Variants in HDAC9 observed in about 807,000 individuals in gnomAD.
The protein encoded by HDAC9 is histone deacetylase 9, also known as MEF-2 interacting transcription repressor (MITR) protein.
Under a neutral mutation model 139.4 loss-of-function variants are expected in HDAC9, and 41 were observed. The observed-to-expected ratio is 0.29, with a 90% CI of 0.23 to 0.38. HDAC9 has a LOEUF of 0.38. Ranked by LOEUF, HDAC9 falls within the 10% of genes least tolerant of loss-of-function variation. HDAC9 has a pLI of 1.00. For missense variants in HDAC9, 1,147 were observed against 1,297.0 expected (o/e 0.88, Z 1.78); for synonymous variants, 517 against 476.2 (o/e 1.09, Z -1.12).
At chr7:18,840,843 G>A (rs757119227) in intron 21 of HDAC9, among the ~76,000 whole-genome samples, 6 of 152,074 alleles carry the variant, frequency 3.9e-5, no homozygotes, top group Non-Finnish European at 2.9e-5. Context: ...CAGTCAAAGT[G>A]GCAATTCTGT....
chr7:18,968,739 CAGG>C (rs1203446336), intron 24 of HDAC9, among the ~76,000 whole-genome samples: 2 of 151,976 alleles, frequency 1.3e-5, no homozygotes, highest in Non-Finnish European at 2.9e-5. Flanking sequence ...GCGGGCGGAT[CAGG>C]AGGTCAGGAG....
At chr7:18,151,568 G>C (rs544135729) in intron 1 of HDAC9, among the ~76,000 whole-genome samples, 38 of 152,288 alleles carry the variant, frequency 2.5e-4, no homozygotes, top group Non-Finnish European at 4.4e-4. Flanking sequence ...TCTTCGAAGA[G>C]ATGATAGAAA....
chr7:18,498,486 G>C (rs1376786180), intron 2 of HDAC9, among the ~76,000 whole-genome samples: 2 of 152,052 alleles, frequency 1.3e-5, no homozygotes, highest in Non-Finnish European at 2.9e-5. Flanking sequence ...CTATCAGTAG[G>C]GTTTGTCCTT....
intron 1 of HDAC9, among the ~76,000 whole-genome samples, chr7:18,306,317 C>T (rs1798903976): frequency 6.6e-6 from 1 of 152,148 alleles, no homozygotes; most frequent in Admixed American, 6.5e-5. Context: ...AAAAATACAT[C>T]CAATCGTTAC....
At chr7:18,321,461 A>G (rs1408007510) in intron 1 of HDAC9, among the ~76,000 whole-genome samples, 5 of 152,236 alleles carry the variant, frequency 3.3e-5, no homozygotes, top group Admixed American at 6.5e-5. Context: ...AATAGGTGAT[A>G]TGCCTTTATG....
intron 1 of HDAC9, among the ~76,000 whole-genome samples, chr7:18,445,085 G>T (rs1304776398): frequency 6.6e-6 from 1 of 152,134 alleles, no homozygotes; most frequent in Non-Finnish European, 1.5e-5. Flanking sequence ...CTTATAGAAA[G>T]GCAGGAGTTT....
chr7:18,563,212 A>T (rs1207345312), intron 2 of HDAC9, among the ~76,000 whole-genome samples: 2 of 152,198 alleles, frequency 1.3e-5, no homozygotes, highest in Non-Finnish European at 2.9e-5. Flanking sequence ...ATGTGGCCGT[A>T]ATAGTGCTAT....
upstream of HDAC9, among the ~76,000 whole-genome samples, chr7:18,288,791 A>G (rs1797617503): frequency 1.3e-5 from 2 of 152,144 alleles, no homozygotes; most frequent in African/African-American, 2.4e-5. Context: ...AAGACATTAC[A>G]TAGAAATAAG....
chr7:18,472,969 T>C (rs1355117749), intron 1 of HDAC9, among the ~76,000 whole-genome samples: 1 of 152,190 alleles, frequency 6.6e-6, no homozygotes, highest in African/African-American at 2.4e-5. Flanking sequence ...CTAAATCACC[T>C]TTGATATACA....
chr7:18,827,094 A>G (rs1179824958), intron 17 of HDAC9, among the ~76,000 whole-genome samples: 1 of 149,366 alleles, frequency 6.7e-6, no homozygotes, highest in Non-Finnish European at 1.5e-5. Context: ...CTCAAAAAAA[A>G]ACTATATATA....
intron 1 of HDAC9, among the ~76,000 whole-genome samples, chr7:18,108,130 C>A (rs928032588): frequency 6.6e-6 from 1 of 152,114 alleles, no homozygotes; most frequent in Non-Finnish European, 1.5e-5. Flanking sequence ...GATATGATAT[C>A]CTAGAACCTG....
intron 13 of HDAC9, among the ~76,000 whole-genome samples, chr7:18,728,699 T>C (rs141735810): frequency 6.6e-6 from 1 of 152,314 alleles, no homozygotes; most frequent in East Asian, 1.9e-4. Flanking sequence ...GAGCTTGTTT[T>C]TGTGGCTTCT....
chr7:18,232,898 C>A (rs758607917), intron 2 of HDAC9, among the ~76,000 whole-genome samples: 5 of 152,192 alleles, frequency 3.3e-5, no homozygotes, highest in Admixed American at 6.5e-5. Flanking sequence ...AATCTGCTAT[C>A]CATGCAAACA....
At chr7:18,479,824 A>AG (rs1795401125) in intron 1 of HDAC9, among the ~76,000 whole-genome samples, 1 of 152,018 alleles carries the variant, frequency 6.6e-6, no homozygotes, top group Non-Finnish European at 1.5e-5. Context: ...AATATTATGT[A>AG]ATATGGTAAT....
intron 6 of HDAC9, among the ~76,000 whole-genome samples, chr7:18,600,679 C>T (rs1436722813): frequency 6.6e-6 from 1 of 152,180 alleles, no homozygotes; most frequent in African/African-American, 2.4e-5. Context: ...ATTACTGTAA[C>T]TTCATAGTAA....
rs554163033 is a variant in HDAC9, at chr7:18,221,882, T to C, written c.25+59533T>C. On this transcript the variant is annotated intron_variant, in intron 2 of 12. Transcript: ENST00000417496. The stretch of plus-strand genomic sequence containing the variant: ...GACCTTCCATATTTAAAGATACAGT[T>C]ACAGCTTGCTTTAGTAAAAATGTTA... Among the ~76,000 whole-genome samples the C allele has an allele frequency of 2.0e-5, 3 of 152,300 alleles. No homozygotes were observed. In the South Asian group the frequency reaches 6.2e-4, roughly 32 times the overall value.
chr7:18,822,264 A>G (rs1038552085), intron 17 of HDAC9, among the ~76,000 whole-genome samples: 2 of 152,176 alleles, frequency 1.3e-5, no homozygotes, highest in African/African-American at 4.8e-5. Flanking sequence ...AGGAGCCCCC[A>G]GCCCCCAGTC....
At chr7:18,571,332 A>T (rs1824211236) in intron 2 of HDAC9, among the ~76,000 whole-genome samples, 1 of 152,244 alleles carries the variant, frequency 6.6e-6, no homozygotes, top group South Asian at 2.1e-4. Context: ...AAAATAAACA[A>T]ATAATGCCCT....
chr7:18,529,210 T>G (rs1808016604), intron 2 of HDAC9, among the ~76,000 whole-genome samples: 1 of 151,994 alleles, frequency 6.6e-6, no homozygotes, highest in African/African-American at 2.4e-5. Flanking sequence ...TGAAAAATGG[T>G]CAAATGTCAT....
Sources: allele counts gnomAD v4.1 joint callset (sites outside exome capture counted in the v4.1 genomes callset), GRCh38; gene constraint gnomAD v4.1.1; transcripts MANE v1.5; gene names NCBI Gene and HGNC (gene_info 2026-07-23, HGNC 2026-07-21).